Variants in SEZ6L2 observed in about 807,000 individuals in gnomAD.
The protein encoded by SEZ6L2 is seizure related 6 homolog like 2.
Under a neutral mutation model 97.0 loss-of-function variants are expected in SEZ6L2, and 44 were observed. That is an observed-to-expected ratio of 0.45 (90% CI 0.36 to 0.58). SEZ6L2 has a LOEUF of 0.58. Among genes scored for constraint, SEZ6L2 ranks in the 20% least tolerant of loss-of-function variants. The pLI, the probability that SEZ6L2 is intolerant of heterozygous loss-of-function variation, is 0.00. For missense variants in SEZ6L2, 1,086 were observed against 1,233.3 expected (o/e 0.88, Z 1.79); for synonymous variants, 543 against 546.1 (o/e 0.99, Z 0.08).
chr16:29,883,067 C>T (rs896403459), intron 8 of SEZ6L2, among the ~76,000 whole-genome samples: 1 of 152,204 alleles, frequency 6.6e-6, no homozygotes, highest in Non-Finnish European at 1.5e-5. Context: ...TGTTACTTAA[C>T]CTGCAAGGTA....
chr16:29,885,629 T>C lies in SEZ6L2; in HGVS notation c.1329A>G (p.Ser443=), dbSNP rs753199535. Residue 443 remains serine (S), a synonymous_variant, in exon 8 of 18, where the codon TCA becomes TCG. Coordinates refer to ENST00000617533, the MANE Select transcript of SEZ6L2 (RefSeq NM_001243332.2). ...DAQSLYVELL[S]ETPANPLLLS... ...ACAGCAGGGGATTGGCAGGTGTCTC[T>C]GACAGCAGCTCCACGTAGAGGGACT... 4 of 1,613,950 alleles carry C rather than the reference T, an allele frequency of 2.5e-6. No individual in the cohort carries two copies. The highest frequency in any genetic ancestry group is 3.4e-6 in the Non-Finnish European group (4 of 1,179,974).
At chr16:29,877,594 TC>T in intron 10 of SEZ6L2, 127 bp from the exon 11 acceptor site, 1 of 890,638 alleles carries the variant, frequency 1.1e-6, no homozygotes, top group Non-Finnish European at 1.6e-6. Flanking sequence ...TATTCTCCTA[TC>T]CCAGGTCTGG....
chr16:29,885,729 C>T lies in SEZ6L2; in HGVS notation c.1229G>A (p.Gly410Asp), dbSNP rs539266943. 3.0e-5 allele frequency: 48 copies of T among 1,611,082 alleles called. No homozygotes were observed. In the South Asian group the frequency reaches 5.0e-4, roughly 17 times the overall value. ...ATAGATCACGGGGGATAGGGGGCTG[C>T]CCCCTGAGCGCACCATCAGCCTGGG... Reference protein sequence around the residue: ...DNDRLMVRSGGSPLSPVIYDS... With the variant: ...DNDRLMVRSGDSPLSPVIYDS... The change falls in exon 8 of 18, where the codon GGC becomes GAC. Residue 410 changes from glycine (G) to aspartate (D), a missense_variant. Around this residue, in one of 2 missense-constraint regions of SEZ6L2, gnomAD observed 776 missense variants for 794.7 expected, o/e 0.98. Transcript: ENST00000617533.
intron 5 of SEZ6L2, among the ~76,000 whole-genome samples, 186 bp from the exon 6 acceptor site, chr16:29,888,911 C>T (rs59984375): frequency 0.075 from 11,424 of 151,828 alleles, 1,232 homozygotes; most frequent in East Asian, 0.31. Flanking sequence ...GAACAGGAAA[C>T]TCCAACACCC....
In SEZ6L2 at chr16:29,899,110, GTTTTTTT is replaced by G. The variant is rs556364210; in HGVS notation, c.-98_-92del. 1,005 of 501,034 alleles carry G rather than the reference GTTTTTTT, an allele frequency of 2.0e-3. 2 individuals carry two copies. Among genetic ancestry groups the G allele is most frequent in the Middle Eastern group, 8.3e-3 (15 of 1,808 alleles). 31.0% of individuals were successfully genotyped at this position (501,034 alleles called of 1,614,324 possible). A position where few individuals can be genotyped will look rare whatever the true frequency, so the allele number is the denominator to read the frequency against. On this transcript the variant is annotated 5_prime_UTR_variant, in exon 1 of 18. Coordinates refer to ENST00000617533, the MANE Select transcript of SEZ6L2 (RefSeq NM_001243332.2). ...TCTCCGTTTATCTTTCCCTTTAATTGTTTTTTTTTTTTTTTTTTTTTTCCTCGTAGGA... is the reference window on the plus strand; with the variant it reads ...TCTCCGTTTATCTTTCCCTTTAATTGTTTTTTTTTTTTTTTCCTCGTAGGA...
intron 5 of SEZ6L2, among the ~76,000 whole-genome samples, chr16:29,891,689 G>A (rs2150809701): frequency 6.6e-6 from 1 of 152,098 alleles, no homozygotes; most frequent in Admixed American, 6.5e-5. Context: ...CAGCCAAGAG[G>A]CAGCATGGAT....
Position 29,879,987 on chromosome 16 carries a change from C to T in SEZ6L2, c.1450G>A (p.Gly484Arg). 6.2e-7 allele frequency: 1 copy of T among 1,614,200 alleles called. No individual in the cohort carries two copies. The highest frequency in any genetic ancestry group is 2.2e-5 in the East Asian group (1 of 44,880). ...AGGCACGAGAAGGTTGCCAGTGCCC[C>T]TGGGCGATACTCAGGGTCCGTGGTA... The part of the protein sequence containing the change: ...VTTTDPEYRP[G>R]ALATFSCLPG... The change falls in exon 9 of 18, where the codon GGG becomes AGG. Residue 484 changes from glycine (G) to arginine (R), a missense_variant. By Grantham distance (125) the Gly-to-Arg change is moderately radical. Transcript: ENST00000617533.
Position 29,899,115 on chromosome 16 carries a change from T to A in SEZ6L2, c.-96A>T. On this transcript the variant is annotated 5_prime_UTR_variant, in exon 1 of 18. Coordinates refer to ENST00000617533, the MANE Select transcript of SEZ6L2 (RefSeq NM_001243332.2). ...GTTTATCTTTCCCTTTAATTGTTTT[T>A]TTTTTTTTTTTTTTTTTCCTCGTAG... 1 of 627,924 alleles carries A rather than the reference T, an allele frequency of 1.6e-6. No homozygotes were observed. The highest frequency in any genetic ancestry group is 2.5e-6 in the Non-Finnish European group (1 of 402,584). 38.9% of individuals were successfully genotyped at this position (627,924 alleles called of 1,614,324 possible).
In SEZ6L2 at chr16:29,885,714, G is replaced by A; in HGVS notation, c.1244C>T (p.Pro415Leu). 1 of 1,613,448 alleles carries A rather than the reference G, an allele frequency of 6.2e-7. No homozygotes were observed. Among genetic ancestry groups the A allele is most frequent in the Non-Finnish European group, 8.5e-7 (1 of 1,179,668 alleles). Reference sequence around the variant, plus strand: ...GTCCATGTCCGAATCATAGATCACGGGGGATAGGGGGCTGCCCCCTGAGCG... The same window carrying A: ...GTCCATGTCCGAATCATAGATCACGAGGGATAGGGGGCTGCCCCCTGAGCG... ...MVRSGGSPLS[P>L]VIYDSDMDDV... is the part of the protein sequence containing the mutation. Residue 415 changes from proline (P) to leucine (L), a missense_variant, in exon 8 of 18, where the codon CCC (proline) becomes CTC (leucine). Around this residue, in one of 2 missense-constraint regions of SEZ6L2, gnomAD observed 776 missense variants for 794.7 expected, o/e 0.98. Transcript: ENST00000617533.
Position 29,895,464 on chromosome 16 carries a change from G to C in SEZ6L2, c.652-4C>G, listed in dbSNP as rs772883048. On this transcript the variant is annotated splice_polypyrimidine_tract_variant and splice_region_variant and intron_variant, in intron 4 of 17. Transcript: ENST00000617533. ...GTGACAGGTTCAGCGTCTGCACCTAGAGAAGCCAGACACAGACCCGCCAGG... is the reference window on the plus strand; with the variant it reads ...GTGACAGGTTCAGCGTCTGCACCTACAGAAGCCAGACACAGACCCGCCAGG... The C allele has an allele frequency of 6.2e-7, 1 of 1,613,598 alleles. No homozygotes were observed.
chr16:29,895,878 G>T lies in SEZ6L2; in HGVS notation c.512-18C>A. ...ACACAGAACTGAGGAGATACAAATG[G>T]CTGGGATGGAAGGAATGCCTGTGCT... On this transcript the variant is annotated intron_variant, in intron 3 of 17. Coordinates refer to ENST00000617533, the MANE Select transcript of SEZ6L2 (RefSeq NM_001243332.2). The T allele has an allele frequency of 6.3e-7, 1 of 1,586,006 alleles. No homozygotes were observed. Among genetic ancestry groups the T allele is most frequent in the Non-Finnish European group, 8.6e-7 (1 of 1,162,326 alleles).
At chr16:29,880,145 G>T in intron 8 of SEZ6L2, 81 bp from the exon 9 acceptor site, 1 of 1,366,638 alleles carries the variant, frequency 7.3e-7, no homozygotes, top group Non-Finnish European at 1.0e-6. Context: ...GCTGAATTGG[G>T]GTGTTCTTTG....
Position 29,872,711 on chromosome 16 carries a change from G to C in SEZ6L2, c.2521C>G (p.Leu841Val). 1 of 1,612,206 alleles carries C rather than the reference G, an allele frequency of 6.2e-7. No individual in the cohort carries two copies. Among genetic ancestry groups the C allele is most frequent in the Non-Finnish European group, 8.5e-7 (1 of 1,179,318 alleles). ...CACCTGTGCTCTCACTGACCTTCCA[G>C]TTTTCGGTTGTCCAGGAGCTCCTCA... is the stretch of plus-strand genomic sequence containing the variant. ...AYEELLDNRKLEVTQTTDPSR... is the reference protein window; with the variant it reads ...AYEELLDNRKVEVTQTTDPSR... Residue 841 changes from leucine (L) to valine (V), a missense_variant, in exon 15 of 18, where the codon CTG (leucine) becomes GTG (valine). Leu to Val is a conservative substitution (Grantham distance 32, BLOSUM62 1). Around this residue, in one of 2 missense-constraint regions of SEZ6L2, gnomAD observed 310 missense variants for 438.6 expected, o/e 0.71. Transcript: ENST00000617533.
At position 29,895,347 on chromosome 16, in the gene SEZ6L2, T is replaced by A. The variant is rs1242777963; in HGVS notation, c.765A>T (p.Gln255His). 1 of 1,614,104 alleles carries A rather than the reference T, an allele frequency of 6.2e-7. No individual in the cohort carries two copies. The highest frequency in any genetic ancestry group is 8.5e-7 in the Non-Finnish European group (1 of 1,180,002). Residue 255 changes from glutamine to histidine, a missense_variant, in exon 5 of 18, where the codon CAA (glutamine) becomes CAT (histidine). Gln to His is a conservative substitution (Grantham distance 24, BLOSUM62 0). Transcript: ENST00000617533. ...GCCGGTTGGTTGGGCTCCGAAGGAC[T>A]TGTCCTTCTCCAAGCATGGATGAGT... is the stretch of plus-strand genomic sequence containing the variant. ...LANSSMLGEG[Q>H]VLRSPTNRLL...
chr16:29,897,482 GT>G (rs1567429869), intron 2 of SEZ6L2, among the ~76,000 whole-genome samples: 1 of 151,684 alleles, frequency 6.6e-6, no homozygotes. Flanking sequence ...CCATTTCCCT[GT>G]TTAGTATTCT....
At chr16:29,877,065 A>G in intron 11 of SEZ6L2, 115 bp from the exon 12 acceptor site, 1 of 1,173,750 alleles carries the variant, frequency 8.5e-7, no homozygotes, top group South Asian at 1.5e-5. Flanking sequence ...TCTCTCTCTT[A>G]GAGACAGGGT....
At position 29,876,337 on chromosome 16, in the gene SEZ6L2, C is replaced by T. The variant is rs1260594590; in HGVS notation, c.2104+419G>A. ...CTCCCTACAATTTCAACTGATAGGA[C>T]TGCGGGATTGGGGCGGGGCGTAGGA... On this transcript the variant is annotated intron_variant, in intron 12 of 17. Coordinates refer to ENST00000617533, the MANE Select transcript of SEZ6L2 (RefSeq NM_001243332.2). The surrounding 1 kb of genome is among the most constrained non-coding windows in gnomAD (Gnocchi z 6.5). Among the ~76,000 whole-genome samples, 1 of 152,160 alleles carries T rather than the reference C, an allele frequency of 6.6e-6. No homozygotes were observed. Among genetic ancestry groups the T allele is most frequent in the Non-Finnish European group, 1.5e-5 (1 of 68,032 alleles).
chr16:29,897,003 G>A lies in SEZ6L2; in HGVS notation c.330C>T (p.Asn110=), dbSNP rs762531748. ...CAGTGGGGCCTGCCCCCCTGACCCC[G>A]TTAGGGGTGACGGCTGTTGTCAGAG... The part of the protein sequence containing the change: ...TGPLTTAVTP[N]GVRGAGPTAP... The change falls in exon 3 of 18, where the codon AAC becomes AAT. Residue 110 remains asparagine (N), a synonymous_variant. Coordinates refer to ENST00000617533, the MANE Select transcript of SEZ6L2 (RefSeq NM_001243332.2). 27 of 1,586,216 alleles carry A rather than the reference G, an allele frequency of 1.7e-5. No homozygotes were observed. Among genetic ancestry groups the A allele is most frequent in the African/African-American group, 6.7e-5 (5 of 74,620 alleles).
chr16:29,897,093 G>A lies in SEZ6L2; in HGVS notation c.240C>T (p.Thr80=). Reference sequence around the variant, plus strand: ...CTGCGAGAGTCTGGCCGGCCGGAGGGGTGGCTAGCGTGGGGTCCCGATCAG... The same window carrying A: ...CTGCGAGAGTCTGGCCGGCCGGAGGAGTGGCTAGCGTGGGGTCCCGATCAG... ...PGSDRDPTLA[T]PPAGQTLAVP... is the part of the protein sequence containing the mutation. Residue 80 remains threonine (T), a synonymous_variant, in exon 3 of 18, where the codon ACC becomes ACT. Transcript: ENST00000617533. 1 of 1,580,088 alleles carries A rather than the reference G, an allele frequency of 6.3e-7. No individual in the cohort carries two copies. The highest frequency in any genetic ancestry group is 2.3e-5 in the East Asian group (1 of 44,236).
Sources: gnomAD v4.1 joint callset for allele counts (sites outside exome capture counted in the v4.1 genomes callset) on GRCh38, gnomAD v4.1.1 for gene constraint, gnomAD v4.1.1 regional missense constraint, Gnocchi (gnomAD v3.1) non-coding constraint, MANE v1.5 for transcripts, NCBI Gene and HGNC (gene_info 2026-07-23, HGNC 2026-07-21) for gene names.